Variants in ADHFE1 observed in about 807,000 individuals in gnomAD.
ADHFE1 encodes hydroxyacid-oxoacid transhydrogenase, mitochondrial.
A neutral mutation model predicts 54.8 loss-of-function variants in ADHFE1; 37 were observed. The ratio of observed to expected loss-of-function variants is 0.68; its 90% CI spans 0.52 to 0.89. The LOEUF is 0.89. Ranked by LOEUF, ADHFE1 falls within the 40% of genes least tolerant of loss-of-function variation. The pLI, the probability that ADHFE1 is intolerant of heterozygous loss-of-function variation, is 0.00. For synonymous variants in ADHFE1, 203 were observed against 229.3 expected, an observed-to-expected ratio of 0.89 and a Z score of 1.04; for missense variants, 601 against 591.2, an observed-to-expected ratio of 1.02 and a Z score of -0.17.
intron 13 of ADHFE1, 35 bp from the exon 14 acceptor site, chr8:66,468,234 A>G (rs377320807): frequency 6.4e-6 from 10 of 1,555,462 alleles, no homozygotes; most frequent in Non-Finnish European, 7.9e-6. Context: ...TGCCTTTTCA[A>G]AGCCCTGGGT....
intron 10 of ADHFE1, among the ~76,000 whole-genome samples, chr8:66,456,036 G>C (rs745906923): frequency 6.6e-6 from 1 of 152,234 alleles, no homozygotes; most frequent in Non-Finnish European, 1.5e-5. Flanking sequence ...ACTAAGCGTG[G>C]TGGCTGGATC....
chr8:66,438,819 A>T (rs1225622106), intron 1 of ADHFE1, among the ~76,000 whole-genome samples: 3 of 151,972 alleles, frequency 2.0e-5, no homozygotes, highest in Non-Finnish European at 4.4e-5. Context: ...ACAAACCACA[A>T]GTAAGAAGTA....
intron 13 of ADHFE1, among the ~76,000 whole-genome samples, chr8:66,466,135 C>G (rs1477525164): frequency 2.7e-5 from 4 of 149,878 alleles, no homozygotes; most frequent in Non-Finnish European, 5.9e-5. Context: ...GTGGTGCAAT[C>G]TCGGCTCACT....
At chr8:66,441,881 A>G (rs1805764110) in intron 2 of ADHFE1, among the ~76,000 whole-genome samples, 1 of 151,998 alleles carries the variant, frequency 6.6e-6, no homozygotes, top group African/African-American at 2.4e-5. Context: ...CTGAGGCAGA[A>G]GAATCCCTTG....
rs775542691 is a variant in ADHFE1, at chr8:66,448,819, A to G, written c.629-46A>G. 1.1e-5 allele frequency: 16 copies of G among 1,498,502 alleles called. No individual in the cohort carries two copies. In the South Asian group the frequency reaches 1.4e-4, roughly 13 times the overall value. The allele number at this position is 1,498,502 out of a possible 1,614,324, so 92.8% of individuals were successfully genotyped here. A position where few individuals can be genotyped will look rare whatever the true frequency, so the allele number is the denominator to read the frequency against. On this transcript the variant is annotated intron_variant, in intron 7 of 13. Transcript: ENST00000396623. ...TCCTGAAGTCATTTTTCTTCTTAAA[A>G]TGATGCCCATGGCTTTAGCCTCTAC... is the stretch of plus-strand genomic sequence containing the variant.
rs373575116 is a variant in ADHFE1, at chr8:66,460,424, A to G, written c.1279A>G (p.Lys427Glu). The change falls in exon 13 of 14, where the codon AAA becomes GAA. Residue 427 changes from lysine to glutamate, a missense_variant. Coordinates refer to ENST00000396623, the MANE Select transcript of ADHFE1 (RefSeq NM_144650.3). Reference sequence around the variant, plus strand: ...TGGCCTAGCAGCTGTTGGTTACTCCAAAGCTGATATCCCCGCACTAGTGAA... The same window carrying G: ...TGGCCTAGCAGCTGTTGGTTACTCCGAAGCTGATATCCCCGCACTAGTGAA... ...DDGLAAVGYS[K>E]ADIPALVKGT... 4.8e-5 allele frequency: 78 copies of G among 1,611,016 alleles called. No homozygotes were observed. The highest frequency in any genetic ancestry group is 2.6e-4 in the South Asian group (24 of 90,924).
chr8:66,432,559 C>T lies in ADHFE1; in HGVS notation c.43C>T (p.Gln15Ter). The T allele has an allele frequency of 7.4e-7, 1 of 1,350,442 alleles. No homozygotes were observed. Among genetic ancestry groups the T allele is most frequent in the Non-Finnish European group, 9.6e-7 (1 of 1,041,798 alleles). 83.7% of individuals were successfully genotyped at this position (1,350,442 alleles called of 1,614,324 possible). ...ARARVAYLLR[Q>*]LQRAACQCPT... ...AGCCCGGGTCGCGTACTTGCTGAGG[C>T]AACTGCAACGCGCAGCGTGAGTGCG... Residue 15 changes from glutamine to a stop codon, truncating the protein, a stop_gained, in exon 1 of 14, where the codon CAA becomes TAA. Coordinates refer to ENST00000396623, the MANE Select transcript of ADHFE1 (RefSeq NM_144650.3). LOFTEE classifies it high-confidence loss of function.
At chr8:66,464,904 CCTACTTTCTGTCT>C (rs962519031) in intron 13 of ADHFE1, among the ~76,000 whole-genome samples, 1 of 152,142 alleles carries the variant, frequency 6.6e-6, no homozygotes, top group Non-Finnish European at 1.5e-5. Flanking sequence ...GAACCTCTGT[CCTACTTTCTGTCT>C]CTATGAATTT....
At position 66,448,825 on chromosome 8, in the gene ADHFE1, C is replaced by T. The variant is rs1344293508; in HGVS notation, c.629-40C>T. 4 of 1,523,246 alleles carry T rather than the reference C, an allele frequency of 2.6e-6. 1 individual carries two copies. Among genetic ancestry groups the T allele is most frequent in the South Asian group, 2.3e-5 (2 of 86,198 alleles). 94.4% of individuals were successfully genotyped at this position (1,523,246 alleles called of 1,614,324 possible). On this transcript the variant is annotated intron_variant, in intron 7 of 13. Coordinates refer to ENST00000396623, the MANE Select transcript of ADHFE1 (RefSeq NM_144650.3). ...AGTCATTTTTCTTCTTAAAATGATG[C>T]CCATGGCTTTAGCCTCTACTGAAAA...
intron 13 of ADHFE1, among the ~76,000 whole-genome samples, chr8:66,461,217 C>G (rs1355163981): frequency 6.6e-6 from 1 of 152,190 alleles, no homozygotes; most frequent in African/African-American, 2.4e-5. Context: ...GTTGGTGGAC[C>G]ACACCATAGT....
At chr8:66,457,479 CAAA>C (rs34484813) in intron 12 of ADHFE1, among the ~76,000 whole-genome samples, 2 of 130,276 alleles carry the variant, frequency 1.5e-5, no homozygotes. Context: ...CTCTCTCTCT[CAAA>C]AAAAAAAAAA....
chr8:66,440,250 G>GCC lies in ADHFE1; in HGVS notation c.97+52_97+53insCC, dbSNP rs1563487001. 3.2e-6 allele frequency: 5 copies of GCC among 1,547,790 alleles called. No homozygotes were observed. The Admixed American group carries it at 9.0e-5, about 28-fold the overall frequency. ...GCCACAATTTTGGTTTCTGCATTTGGCATTATAATACATTTGGGTAGTGTA... is the reference window on the plus strand; with the variant it reads ...GCCACAATTTTGGTTTCTGCATTTGGCCCATTATAATACATTTGGGTAGTGTA... On this transcript the variant is annotated intron_variant, in intron 2 of 13. Transcript: ENST00000396623.
rs138546767 is a variant in ADHFE1, at chr8:66,448,462, G to T, written c.629-403G>T. 2.2e-3 allele frequency among the ~76,000 whole-genome samples: 328 copies of T among 152,276 alleles called. 2 individuals are homozygous for T. Among genetic ancestry groups the T allele is most frequent in the South Asian group, 0.012 (57 of 4,824 alleles). On this transcript the variant is annotated intron_variant, in intron 7 of 13. Coordinates refer to ENST00000396623, the MANE Select transcript of ADHFE1 (RefSeq NM_144650.3). ...AGAACTCAGAGAGGCTAAGTGACTT[G>T]CCCAAAGACACAAAGTAAGTTGCAG...
At chr8:66,467,338 G>A (rs1807250018) in intron 13 of ADHFE1, among the ~76,000 whole-genome samples, 1 of 152,110 alleles carries the variant, frequency 6.6e-6, no homozygotes, top group Non-Finnish European at 1.5e-5. Context: ...AGGAGCGGTG[G>A]GGTGGGAGAG....
At chr8:66,441,953 C>T (rs1348474444) in intron 2 of ADHFE1, among the ~76,000 whole-genome samples, 4 of 147,652 alleles carry the variant, frequency 2.7e-5, no homozygotes, top group Non-Finnish European at 5.9e-5. Flanking sequence ...GCCTGGGTGA[C>T]AGAGCAAAAC....
At chr8:66,437,431 G>T (rs1363823259) in intron 1 of ADHFE1, among the ~76,000 whole-genome samples, 1 of 152,072 alleles carries the variant, frequency 6.6e-6, no homozygotes, top group Admixed American at 6.5e-5. Context: ...AGGAGGGCAG[G>T]TAGATGAGGT....
At chr8:66,440,053 T>G in intron 1 of ADHFE1, 109 bp from the exon 2 acceptor site, 1 of 1,067,518 alleles carries the variant, frequency 9.4e-7, no homozygotes, top group South Asian at 1.4e-5. Context: ...ACTACCAATT[T>G]GATAGCATCT....
chr8:66,441,416 A>G (rs988636365), intron 2 of ADHFE1, among the ~76,000 whole-genome samples: 2 of 152,148 alleles, frequency 1.3e-5, no homozygotes, highest in African/African-American at 4.8e-5. Context: ...TTTTAAGCCT[A>G]GAGGAATCCA....
At position 66,454,192 on chromosome 8, in the gene ADHFE1, G is replaced by A. The variant is rs757607269; in HGVS notation, c.986+35G>A. 20 of 1,601,328 alleles carry A rather than the reference G, an allele frequency of 1.2e-5. No individual in the cohort carries two copies. The East Asian group carries it at 4.5e-4, about 36-fold the overall frequency. ...TCTGAGATTTCATTTCTTTACTCAA[G>A]CTATTGCTTTAAAAAATTTTTAATG... On this transcript the variant is annotated intron_variant, in intron 10 of 13. Transcript: ENST00000396623.
Sources: gnomAD v4.1 joint callset for allele counts (sites outside exome capture counted in the v4.1 genomes callset) on GRCh38, gnomAD v4.1.1 for gene constraint, MANE v1.5 for transcripts, NCBI Gene and HGNC (gene_info 2026-07-23, HGNC 2026-07-21) for gene names.